The following CASKIN2 variants were observed in gnomAD, a reference collection of about 807,000 sequenced individuals.
CASKIN2 encodes caskin-2.
In CASKIN2, 41 loss-of-function variants were observed where a neutral mutation model predicts 107.1. The ratio of observed to expected loss-of-function variants is 0.38; its 90% CI spans 0.30 to 0.50. CASKIN2 has a LOEUF of 0.50. Ranked by LOEUF, CASKIN2 falls within the 20% of genes least tolerant of loss-of-function variation. The pLI, the probability that CASKIN2 is intolerant of heterozygous loss-of-function variation, is 0.92. For missense variants in CASKIN2, 1,546 were observed against 1,657.4 expected, an observed-to-expected ratio of 0.93 and a Z score of 1.17; for synonymous variants, 724 against 705.6, an observed-to-expected ratio of 1.03 and a Z score of -0.41.
chr17:75,506,509 G>C lies in CASKIN2; in HGVS notation c.617+74C>G, dbSNP rs2053267346. 1 of 1,600,592 alleles carries C rather than the reference G, an allele frequency of 6.2e-7. No individual in the cohort carries two copies. Among genetic ancestry groups the C allele is most frequent in the Non-Finnish European group, 8.5e-7 (1 of 1,173,026 alleles). ...ATGGAGAGCCCGGGTGAAAAGGGCA[G>C]TGGGGGAGAGCACTGAGGGGCACCG... On this transcript the variant is annotated intron_variant, in intron 7 of 19. Transcript: ENST00000321617. This position sits in a 1 kb window ranked among gnomAD's most constrained non-coding sequence, Gnocchi z 4.8.
chr17:75,505,166 T>C lies in CASKIN2; in HGVS notation c.931-93A>G. 1 of 1,358,020 alleles carries C rather than the reference T, an allele frequency of 7.4e-7. No individual in the cohort carries two copies. The highest frequency in any genetic ancestry group is 1.0e-6 in the Non-Finnish European group (1 of 973,000). 84.1% of individuals were successfully genotyped at this position (1,358,020 alleles called of 1,614,324 possible). A position where few individuals can be genotyped will look rare whatever the true frequency, so the allele number is the denominator to read the frequency against. On this transcript the variant is annotated intron_variant, in intron 10 of 19. Coordinates refer to ENST00000321617, the MANE Select transcript of CASKIN2 (RefSeq NM_020753.5). The surrounding 1 kb of genome is among the most constrained non-coding windows in gnomAD (Gnocchi z 5.1). The stretch of plus-strand genomic sequence containing the variant: ...TGCAGCTGCGGTCCGGCAACCCTGG[T>C]CCAGCTCTTTCCCTACCCCTAAGGA...
chr17:75,500,384 G>A lies in CASKIN2; in HGVS notation c.*696C>T, dbSNP rs1184436449. 1 of 152,514 alleles carries A rather than the reference G, an allele frequency of 6.6e-6. No homozygotes were observed. The highest frequency in any genetic ancestry group is 1.5e-5 in the Non-Finnish European group (1 of 68,268). The allele number at this position is 152,514 out of a possible 1,614,324, so 9.4% of individuals were successfully genotyped here. A position where few individuals can be genotyped will look rare whatever the true frequency, so the allele number is the denominator to read the frequency against. ...CAGGTGGGCAGTCGGGGCTCCTGCT[G>A]TGGTCCGAAGCCCCTCCCCCATTGT... On this transcript the variant is annotated 3_prime_UTR_variant, in exon 20 of 20. Transcript: ENST00000321617.
chr17:75,511,987 G>A (rs2053319620), intron 2 of CASKIN2, among the ~76,000 whole-genome samples: 1 of 152,156 alleles, frequency 6.6e-6, no homozygotes, highest in Non-Finnish European at 1.5e-5. Context: ...GGACCTTAGG[G>A]CCCTCCCCTG....
Position 75,505,951 on chromosome 17 carries a change from A to G in CASKIN2, c.727-22T>C. 6.3e-7 allele frequency: 1 copy of G among 1,596,164 alleles called. No homozygotes were observed. Among genetic ancestry groups the G allele is most frequent in the Non-Finnish European group, 8.6e-7 (1 of 1,165,068 alleles). ...CTCCCTGGGTGCACAGTGTCACATG[A>G]GCACACGCTAAGCACTTTGACACCC... On this transcript the variant is annotated intron_variant, in intron 8 of 19. Transcript: ENST00000321617. This position sits in a 1 kb window ranked among gnomAD's most constrained non-coding sequence, Gnocchi z 5.1.
intron 19 of CASKIN2, 40 bp from the exon 20 acceptor site, chr17:75,501,210 C>T: frequency 6.6e-7 from 1 of 1,513,914 alleles, no homozygotes; most frequent in African/African-American, 1.4e-5. Context: ...CAGCCAGTGG[C>T]CTGCACCCCA....
chr17:75,503,468 C>T lies in CASKIN2; in HGVS notation c.1740G>A (p.Val580=), dbSNP rs2053226920. ...LGLPQYHKQL[V]SSGYDSMGLV... ...GCCCCATGGAGTCGTAGCCGCTGCTCACCAGCTGCTTGTGGTACTGTGGCA... is the reference window on the plus strand; with the variant it reads ...GCCCCATGGAGTCGTAGCCGCTGCTTACCAGCTGCTTGTGGTACTGTGGCA... The change falls in exon 17 of 20, where the codon GTG becomes GTA. Residue 580 remains valine (V), a synonymous_variant. Coordinates refer to ENST00000321617, the MANE Select transcript of CASKIN2 (RefSeq NM_020753.5). The T allele has an allele frequency of 1.2e-6, 2 of 1,612,766 alleles. No homozygotes were observed. Among genetic ancestry groups the T allele is most frequent in the East Asian group, 2.2e-5 (1 of 44,882 alleles).
In CASKIN2 at chr17:75,506,440, G is replaced by A. The variant is rs2053266468; in HGVS notation, c.618-27C>T. ...TGCAGTGGACGGGGGGAGTCACGGGGGAGGTGGCGTAGGAGGGGGTGCTGA... is the reference window on the plus strand; with the variant it reads ...TGCAGTGGACGGGGGGAGTCACGGGAGAGGTGGCGTAGGAGGGGGTGCTGA... On this transcript the variant is annotated intron_variant, in intron 7 of 19. Transcript: ENST00000321617. The surrounding 1 kb of genome is among the most constrained non-coding windows in gnomAD (Gnocchi z 4.8). 4 of 1,600,266 alleles carry A rather than the reference G, an allele frequency of 2.5e-6. No homozygotes were observed. The highest frequency in any genetic ancestry group is 4.5e-5 in the East Asian group (2 of 44,840).
chr17:75,502,877 G>T lies in CASKIN2; in HGVS notation c.2197C>A (p.Pro733Thr). ...DPSPPQERNL[P>T]EGTERPPKLC... ...TTAGGGGGCCGCTCTGTGCCCTCTG[G>T]GAGGTTCCTCTCCTGGGGGGGGCTG... Residue 733 changes from proline to threonine, a missense_variant, in exon 18 of 20, where the codon CCA becomes ACA. Pro to Thr is a conservative substitution (Grantham distance 38). Transcript: ENST00000321617. This position sits in a 1 kb window ranked among gnomAD's most constrained non-coding sequence, Gnocchi z 4.3. 6.5e-7 allele frequency: 1 copy of T among 1,545,168 alleles called. No individual in the cohort carries two copies.
chr17:75,513,656 C>CAA, intron 2 of CASKIN2, 55 bp downstream of exon 2: 1 of 1,430,114 alleles, frequency 7.0e-7, no homozygotes, highest in Non-Finnish European at 9.9e-7. Flanking sequence ...CCCACCAAGC[C>CAA]TCTGTGAACT....
At chr17:75,512,262 C>G (rs2053321473) in intron 2 of CASKIN2, among the ~76,000 whole-genome samples, 1 of 152,248 alleles carries the variant, frequency 6.6e-6, no homozygotes, top group South Asian at 2.1e-4. Context: ...CAGGGAACTC[C>G]TCCTGCCTCA....
chr17:75,506,196 C>A lies in CASKIN2; in HGVS notation c.726+109G>T. ...GGAAGTCAGGCCTCTTTCCTGACGC[C>A]CATGCAAAAACCACGCTGGAGTCCT... On this transcript the variant is annotated intron_variant, in intron 8 of 19. Transcript: ENST00000321617. The surrounding 1 kb of genome is among the most constrained non-coding windows in gnomAD (Gnocchi z 4.8). 2 of 966,892 alleles carry A rather than the reference C, an allele frequency of 2.1e-6. No homozygotes were observed. The highest frequency in any genetic ancestry group is 1.5e-5 in the South Asian group (1 of 65,030). 59.9% of individuals were successfully genotyped at this position (966,892 alleles called of 1,614,324 possible).
chr17:75,507,573 G>C lies in CASKIN2; in HGVS notation c.244+11C>G. On this transcript the variant is annotated intron_variant, in intron 4 of 19. Coordinates refer to ENST00000321617, the MANE Select transcript of CASKIN2 (RefSeq NM_020753.5). ...CCCAGGGTGGGGGTCGGGGGCACAT[G>C]GGGGTCTCACCATTGCTGTCCTTGA... 2 of 1,605,810 alleles carry C rather than the reference G, an allele frequency of 1.2e-6. No homozygotes were observed. The highest frequency in any genetic ancestry group is 1.7e-6 in the Non-Finnish European group (2 of 1,173,614).
Position 75,504,218 on chromosome 17 carries a change from C to T in CASKIN2, c.1464G>A (p.Gly488=), listed in dbSNP as rs536837727. 6.3e-7 allele frequency: 1 copy of T among 1,584,400 alleles called. No homozygotes were observed. Among genetic ancestry groups the T allele is most frequent in the East Asian group, 2.3e-5 (1 of 42,924 alleles). The change falls in exon 14 of 20, where the codon GGG becomes GGA. Residue 488 remains glycine, a synonymous_variant. Coordinates refer to ENST00000321617, the MANE Select transcript of CASKIN2 (RefSeq NM_020753.5). The part of the protein sequence containing the change: ...QDVRPEQLLE[G]KDAQAIHNWL... ...GTGCACCCCGTGGAGGTCACACCTT[C>T]CCCTCCAGCAGCTGTTCTGGCCGCA...
rs777009819 is a variant in CASKIN2 at position 75,504,273 on chromosome 17, C to T, written c.1409G>A (p.Arg470His). 8.7e-6 allele frequency: 14 copies of T among 1,607,328 alleles called. No individual in the cohort carries two copies. The highest frequency in any genetic ancestry group is 5.6e-5 in the South Asian group (5 of 89,850). The change falls in exon 14 of 20, where the codon CGC becomes CAC. Residue 470 changes from arginine (R) to histidine (H), a missense_variant. By Grantham distance (29) the Arg-to-His change is conservative (BLOSUM62 0). Transcript: ENST00000321617. ...NLSHRPLANC[R>H]SGEQIFTQDV... ...CTGGGTGAAGATCTGCTCCCCAGAG[C>T]GGCAGTTGGCCAGAGGGCGGTGGCT... is the stretch of plus-strand genomic sequence containing the variant.
In CASKIN2 at chr17:75,506,425, G is replaced by C. The variant is rs188439410; in HGVS notation, c.618-12C>G. 2 of 1,605,282 alleles carry C rather than the reference G, an allele frequency of 1.2e-6. No individual in the cohort carries two copies. Among genetic ancestry groups the C allele is most frequent in the South Asian group, 1.1e-5 (1 of 90,994 alleles). ...CTCTCAGGAGCTGCCTGCAGTGGAC[G>C]GGGGGAGTCACGGGGGAGGTGGCGT... On this transcript the variant is annotated splice_polypyrimidine_tract_variant and intron_variant, in intron 7 of 19. Transcript: ENST00000321617. The surrounding 1 kb of genome is among the most constrained non-coding windows in gnomAD (Gnocchi z 4.8).
rs1598465765 is a variant in CASKIN2, at chr17:75,504,994, A to G, written c.1010T>C (p.Phe337Ser). 1 of 1,609,812 alleles carries G rather than the reference A, an allele frequency of 6.2e-7. No homozygotes were observed. The highest frequency in any genetic ancestry group is 8.5e-7 in the Non-Finnish European group (1 of 1,178,910). Residue 337 changes from phenylalanine (F) to serine (S), a missense_variant, in exon 11 of 20, where the codon TTC becomes TCC. By Grantham distance (155) the Phe-to-Ser change is radical. This residue lies in a region of CASKIN2 where 1,311 missense variants were observed against 1,311.0 expected (regional missense o/e 1.00). Transcript: ENST00000321617. ...GACCACCTCGACAATGCCCGGGGGG[A>G]AGTAGCCTATGCGGTCTGTGCCCCT... ...SQRGTDRIGY[F>S]PPGIVEVVSK...
In CASKIN2 at chr17:75,506,500, A is replaced by G. The variant is rs2053267291; in HGVS notation, c.617+83T>C. 41 of 1,595,044 alleles carry G rather than the reference A, an allele frequency of 2.6e-5. No individual in the cohort carries two copies. The highest frequency in any genetic ancestry group is 3.3e-5 in the Non-Finnish European group (39 of 1,169,842). On this transcript the variant is annotated intron_variant, in intron 7 of 19. Transcript: ENST00000321617. This position sits in a 1 kb window ranked among gnomAD's most constrained non-coding sequence, Gnocchi z 4.8. ...GCCTGGGAGATGGAGAGCCCGGGTG[A>G]AAAGGGCAGTGGGGGAGAGCACTGA...
At position 75,505,866 on chromosome 17, in the gene CASKIN2, A is replaced by G. The variant is rs2053259601; in HGVS notation, c.790T>C (p.Phe264Leu). 1 of 1,613,224 alleles carries G rather than the reference A, an allele frequency of 6.2e-7. No individual in the cohort carries two copies. Among genetic ancestry groups the G allele is most frequent in the African/African-American group, 1.3e-5 (1 of 74,818 alleles). The part of the protein sequence containing the change: ...NQTALDIVNQ[F>L]TTSQASREIK... ...TCCCGGCTGGCCTGGGAGGTGGTGAACTGATTCACTATGTCCAGCGCCGTC... is the reference window on the plus strand; with the variant it reads ...TCCCGGCTGGCCTGGGAGGTGGTGAGCTGATTCACTATGTCCAGCGCCGTC... The change falls in exon 9 of 20, where the codon TTC becomes CTC. Residue 264 changes from phenylalanine (F) to leucine (L), a missense_variant. Transcript: ENST00000321617. This position sits in a 1 kb window ranked among gnomAD's most constrained non-coding sequence, Gnocchi z 5.1.
Position 75,503,079 on chromosome 17 carries a change from G to C in CASKIN2, c.1995C>G (p.Leu665=), listed in dbSNP as rs534977644. The C allele has an allele frequency of 2.3e-5, 37 of 1,607,190 alleles. No homozygotes were observed. In the South Asian group the frequency reaches 3.8e-4, roughly 16 times the overall value. Residue 665 remains leucine (L), a synonymous_variant, in exon 18 of 20, where the codon CTC becomes CTG. Coordinates refer to ENST00000321617, the MANE Select transcript of CASKIN2 (RefSeq NM_020753.5). ...EGPATAGPRL[L]TFQGSELSPE... is the part of the protein sequence containing the mutation. ...GGCTTAGTTCGCTGCCCTGGAAGGT[G>C]AGGAGCCGTGGGCCAGCTGTAGCTG... is the stretch of plus-strand genomic sequence containing the variant.
Sources: allele counts gnomAD v4.1 joint callset (sites outside exome capture counted in the v4.1 genomes callset), GRCh38; gene constraint gnomAD v4.1.1; regional missense constraint gnomAD v4.1.1; non-coding constraint Gnocchi (gnomAD v3.1); transcripts MANE v1.5; gene names NCBI Gene and HGNC (gene_info 2026-07-23, HGNC 2026-07-21).